MARK1: variants seen among roughly 807,000 people sequenced by gnomAD.
MARK1 encodes serine/threonine-protein kinase MARK1.
A neutral mutation model predicts 96.3 loss-of-function variants in MARK1; 40 were observed. That is an observed-to-expected ratio of 0.42 (90% CI 0.32 to 0.54). MARK1 has a LOEUF of 0.54. Among genes scored for constraint, MARK1 ranks in the 20% least tolerant of loss-of-function variants. The pLI is 0.16. For synonymous variants in MARK1, 317 were observed against 341.2 expected (o/e 0.93, Z 0.78); for missense variants, 719 against 984.6 (o/e 0.73, Z 3.61).
intron 14 of MARK1, among the ~76,000 whole-genome samples, chr1:220,651,071 GTCATTGC>G (rs1477831757): frequency 6.6e-6 from 1 of 151,888 alleles, no homozygotes; most frequent in Non-Finnish European, 1.5e-5. Flanking sequence ...TTCCCATCAA[GTCATTGC>G]TGTATCTCAA....
In MARK1 at chr1:220,663,026, T is replaced by G. The variant is rs1467626064; in HGVS notation, c.*860T>G. ...GTTTGCTGCCTTCAGAATACCGCAA[T>G]TTAATTGCGGGAATATAATAATATT... On this transcript the variant is annotated 3_prime_UTR_variant, in exon 18 of 18. Coordinates refer to ENST00000366917, the MANE Select transcript of MARK1 (RefSeq NM_018650.5). 1.3e-5 allele frequency: 2 copies of G among 152,622 alleles called. 1 individual carries two copies. Among genetic ancestry groups the G allele is most frequent in the Non-Finnish European group, 2.9e-5 (2 of 68,028 alleles). The allele number at this position is 152,622 out of a possible 1,614,324, so 9.5% of individuals were successfully genotyped here. A position where few individuals can be genotyped will look rare whatever the true frequency, so the allele number is the denominator to read the frequency against.
intron 3 of MARK1, among the ~76,000 whole-genome samples, chr1:220,581,802 A>C (rs558493201): frequency 6.6e-6 from 1 of 152,346 alleles, no homozygotes; most frequent in East Asian, 1.9e-4. Flanking sequence ...GCCTTAGCAA[A>C]CCAAAGCTGT....
chr1:220,557,211 T>A (rs1386164536), intron 1 of MARK1, among the ~76,000 whole-genome samples: 1 of 152,212 alleles, frequency 6.6e-6, no homozygotes, highest in East Asian at 1.9e-4. Flanking sequence ...AATGAAATAA[T>A]GTTTTTAAAG....
chr1:220,634,834 AT>A (rs141526252), intron 11 of MARK1, among the ~76,000 whole-genome samples: 280 of 150,052 alleles, frequency 1.9e-3, no homozygotes, highest in African/African-American at 6.7e-3. Flanking sequence ...AGTAAACCAG[AT>A]TTTTTTTTTG....
At chr1:220,655,471 T>G (rs1328074419) in intron 16 of MARK1, among the ~76,000 whole-genome samples, 2 of 152,176 alleles carry the variant, frequency 1.3e-5, no homozygotes, top group African/African-American at 4.8e-5. Context: ...TGTCCCTCCC[T>G]CATTCTTCAC....
chr1:220,655,898 G>T (rs1669144648), intron 16 of MARK1, among the ~76,000 whole-genome samples: 1 of 152,080 alleles, frequency 6.6e-6, no homozygotes. Context: ...TCCCCTTGCT[G>T]CTTCCACACC....
chr1:220,581,518 G>C (rs112571774), intron 3 of MARK1, among the ~76,000 whole-genome samples: 242 of 152,286 alleles, frequency 1.6e-3, no homozygotes, highest in African/African-American at 5.0e-3. Flanking sequence ...TATATAAAAT[G>C]ACAAATGGTG....
At chr1:220,626,155 C>A in intron 9 of MARK1, 1 of 604,374 alleles carries the variant, frequency 1.7e-6, no homozygotes, top group Non-Finnish European at 3.2e-6. Context: ...GGGCCTGAAC[C>A]ATGCCAAGAA....
chr1:220,534,776 A>G (rs564380732), intron 1 of MARK1, among the ~76,000 whole-genome samples: 8 of 152,152 alleles, frequency 5.3e-5, no homozygotes, highest in Admixed American at 2.0e-4. Flanking sequence ...ATCATGTAAC[A>G]TTTATCCTCT....
At chr1:220,575,457 T>A (rs924419624) in intron 1 of MARK1, among the ~76,000 whole-genome samples, 2 of 152,224 alleles carry the variant, frequency 1.3e-5, no homozygotes, top group Non-Finnish European at 2.9e-5. Flanking sequence ...CTTGCCACAT[T>A]TTCTATTTGA....
intron 3 of MARK1, among the ~76,000 whole-genome samples, chr1:220,586,011 A>ACACACACACACACACGCG (rs112968910): frequency 2.0e-5 from 3 of 148,536 alleles, no homozygotes; most frequent in Non-Finnish European, 4.4e-5. Flanking sequence ...ACACACACAC[A>ACACACACACACACACGCG]CGCGCGCGTG....
At chr1:220,597,033 T>G (rs530036031) in intron 3 of MARK1, among the ~76,000 whole-genome samples, 2 of 152,312 alleles carry the variant, frequency 1.3e-5, no homozygotes, top group South Asian at 4.1e-4. Context: ...CCATGTTGTA[T>G]CTATCATGTG....
At chr1:220,557,406 A>G (rs1326722171) in intron 1 of MARK1, among the ~76,000 whole-genome samples, 1 of 152,002 alleles carries the variant, frequency 6.6e-6, no homozygotes, top group African/African-American at 2.4e-5. Context: ...GTCTCTGTTA[A>G]AGTAGAGCTG....
chr1:220,580,211 A>G (rs565791044), intron 2 of MARK1, among the ~76,000 whole-genome samples: 2 of 152,168 alleles, frequency 1.3e-5, no homozygotes, highest in South Asian at 4.2e-4. Context: ...GGCCCAATGC[A>G]GTGGCTCATG....
intron 17 of MARK1, among the ~76,000 whole-genome samples, chr1:220,660,456 A>AAT (rs1344323985): frequency 1.3e-5 from 2 of 152,272 alleles, no homozygotes; most frequent in East Asian, 3.8e-4. Context: ...ATTACACATG[A>AAT]ATATATATCA....
chr1:220,594,905 A>G (rs1240601403), intron 3 of MARK1, among the ~76,000 whole-genome samples: 1 of 152,360 alleles, frequency 6.6e-6, no homozygotes, highest in South Asian at 2.1e-4. Flanking sequence ...TTTTCAGAGC[A>G]GTGTTAGTAT....
At chr1:220,609,986 T>C (rs1572170678) in intron 6 of MARK1, among the ~76,000 whole-genome samples, 1 of 152,214 alleles carries the variant, frequency 6.6e-6, no homozygotes, top group South Asian at 2.1e-4. Flanking sequence ...CTTAACACTT[T>C]TTCCTTCATT....
chr1:220,597,782 T>G (rs1340304256), intron 3 of MARK1, among the ~76,000 whole-genome samples: 4 of 152,224 alleles, frequency 2.6e-5, no homozygotes, highest in Non-Finnish European at 5.9e-5. Flanking sequence ...CATTTGTGTT[T>G]CAAGTCGCTT....
At chr1:220,559,475 A>G (rs1662515035) in intron 1 of MARK1, among the ~76,000 whole-genome samples, 1 of 152,206 alleles carries the variant, frequency 6.6e-6, no homozygotes, top group Non-Finnish European at 1.5e-5. Flanking sequence ...ATATATAGGA[A>G]AGCAGAGAAA....
Sources: allele counts gnomAD v4.1 joint callset (sites outside exome capture counted in the v4.1 genomes callset), GRCh38; gene constraint gnomAD v4.1.1; transcripts MANE v1.5; gene names NCBI Gene and HGNC (gene_info 2026-07-23, HGNC 2026-07-21).